Variants in KIF26B observed in about 807,000 individuals in gnomAD.
The protein encoded by KIF26B is kinesin family member 26B, also known as kinesin-like protein KIF26B.
KIF26B carries 63 observed loss-of-function variants against 151.2 expected under a neutral mutation model. The ratio of observed to expected loss-of-function variants is 0.42; its 90% confidence interval spans 0.34 to 0.51. The LOEUF (loss-of-function observed/expected upper bound fraction) is 0.51. Among genes scored for constraint, KIF26B ranks in the 20% least tolerant of loss-of-function variants. The probability of loss-of-function intolerance (pLI) is 0.07; values close to 1 mark genes in which losing one functional copy is unlikely to be tolerated. For synonymous variants in KIF26B, 1,357 were observed against 1,262.1 expected (o/e 1.08, Z -1.59); for missense variants, 2,813 against 2,913.6 (o/e 0.97, Z 0.79).
intron 7 of KIF26B, 113 bp from the exon 8 acceptor site, chr1:245,609,153 T>C: frequency 1.0e-6 from 1 of 1,003,984 alleles, no homozygotes; most frequent in Non-Finnish European, 1.4e-6. Flanking sequence ...TTCTCTTCCC[T>C]TTTCCCCCCT....
rs1187514583 is a variant in KIF26B, at chr1:245,705,998, G to A, written c.*3392G>A. 2.0e-5 allele frequency: 3 copies of A among 152,188 alleles called. No individual in the cohort carries two copies. The highest frequency in any genetic ancestry group is 2.1e-4 in the South Asian group (1 of 4,834). 9.4% of individuals were successfully genotyped at this position (152,188 alleles called of 1,614,324 possible). ...AGATGCAAATGCAGAGATGTGTCCT[G>A]TCTTGACAAAGGTGGGAACCCCTGA... is the stretch of plus-strand genomic sequence containing the variant. On this transcript the variant is annotated 3_prime_UTR_variant, in exon 15 of 15. Transcript: ENST00000407071.
At chr1:245,374,716 G>A (rs571133785) in intron 3 of KIF26B, among the ~76,000 whole-genome samples, 2 of 152,186 alleles carry the variant, frequency 1.3e-5, no homozygotes, top group Admixed American at 6.5e-5. Flanking sequence ...GCGGTCAAAG[G>A]GATATTAGGT....
intron 4 of KIF26B, among the ~76,000 whole-genome samples, chr1:245,530,802 A>T (rs547701053): frequency 6.6e-6 from 1 of 152,310 alleles, no homozygotes; most frequent in Non-Finnish European, 1.5e-5. Context: ...GCAATTTAGG[A>T]GTAGACTCTA....
chr1:245,492,543 T>C (rs1558187242), intron 4 of KIF26B, among the ~76,000 whole-genome samples: 1 of 152,232 alleles, frequency 6.6e-6, no homozygotes, highest in Non-Finnish European at 1.5e-5. Context: ...TCACATGATA[T>C]TTTTAAAAGA....
chr1:245,219,842 G>T (rs1268885714), intron 2 of KIF26B, among the ~76,000 whole-genome samples: 1 of 152,218 alleles, frequency 6.6e-6, no homozygotes, highest in Non-Finnish European at 1.5e-5. Flanking sequence ...GCTTTCCAGG[G>T]AAGAGTTGGC....
At chr1:245,491,870 T>G (rs2103074295) in intron 4 of KIF26B, among the ~76,000 whole-genome samples, 1 of 151,860 alleles carries the variant, frequency 6.6e-6, no homozygotes, top group South Asian at 2.1e-4. Context: ...ATCCTTCCAC[T>G]GCACTCTAGC....
chr1:245,669,969 C>T (rs540681080), intron 10 of KIF26B, among the ~76,000 whole-genome samples: 1 of 152,116 alleles, frequency 6.6e-6, no homozygotes, highest in African/African-American at 2.4e-5. Flanking sequence ...GAGGAATGGA[C>T]ATTGGAGACT....
intron 3 of KIF26B, among the ~76,000 whole-genome samples, chr1:245,374,798 C>A (rs1220616148): frequency 6.6e-6 from 1 of 152,110 alleles, no homozygotes; most frequent in African/African-American, 2.4e-5. Context: ...CGGTCATGGA[C>A]ACACATTTCT....
intron 4 of KIF26B, among the ~76,000 whole-genome samples, chr1:245,524,385 A>AT (rs913712955): frequency 2.4e-4 from 37 of 152,118 alleles, no homozygotes; most frequent in South Asian, 2.1e-4. Context: ...GCCTGTATGT[A>AT]TTTTTTTACT....
Position 245,601,235 on chromosome 1 carries a change from G to A in KIF26B, c.1351-1342G>A, listed in dbSNP as rs1267518119. On this transcript the variant is annotated intron_variant, in intron 5 of 14. Coordinates refer to ENST00000407071, the MANE Select transcript of KIF26B (RefSeq NM_018012.4). This position sits in a 1 kb window ranked among gnomAD's most constrained non-coding sequence, Gnocchi z 4.4. Reference sequence around the variant, plus strand: ...ACGGAGAACTGTTCTTAAGTTAGAAGGCAAGCACAGCGGGGACACGGTGCA... The same window carrying A: ...ACGGAGAACTGTTCTTAAGTTAGAAAGCAAGCACAGCGGGGACACGGTGCA... 6.6e-6 allele frequency among the ~76,000 whole-genome samples: 1 copy of A among 152,184 alleles called. No individual in the cohort carries two copies. The highest frequency in any genetic ancestry group is 1.5e-5 in the Non-Finnish European group (1 of 68,040).
At position 245,358,661 on chromosome 1, in the gene KIF26B, C is replaced by A. The variant is rs1672751623; in HGVS notation, c.466-8173C>A. ...AATCCTTGATAGCCTTATACTAATA[C>A]AACTACTTGCAGATTGAAAATAATT... On this transcript the variant is annotated intron_variant, in intron 2 of 14. Coordinates refer to ENST00000407071, the MANE Select transcript of KIF26B (RefSeq NM_018012.4). The surrounding 1 kb of genome is among the most constrained non-coding windows in gnomAD (Gnocchi z 4.1). Among the ~76,000 whole-genome samples the A allele has an allele frequency of 6.6e-6, 1 of 152,208 alleles. No homozygotes were observed. Among genetic ancestry groups the A allele is most frequent in the Non-Finnish European group, 1.5e-5 (1 of 68,042 alleles).
At chr1:245,653,083 A>G (rs1391842752) in intron 10 of KIF26B, among the ~76,000 whole-genome samples, 1 of 152,242 alleles carries the variant, frequency 6.6e-6, no homozygotes, top group Admixed American at 6.5e-5. Context: ...CAGAGTAGGA[A>G]AGGGTAGACA....
intron 9 of KIF26B, among the ~76,000 whole-genome samples, chr1:245,629,012 G>T (rs2043752911): frequency 6.6e-6 from 1 of 152,104 alleles, no homozygotes; most frequent in Admixed American, 6.5e-5. Flanking sequence ...GCTACAAAGA[G>T]AATAAAATAC....
At chr1:245,336,347 G>C (rs923755192) in intron 2 of KIF26B, among the ~76,000 whole-genome samples, 4 of 152,224 alleles carry the variant, frequency 2.6e-5, no homozygotes, top group Non-Finnish European at 4.4e-5. Context: ...CTGCTCTGGG[G>C]ATGCAGGAGA....
chr1:245,442,755 CTA>C (rs1485411066), intron 4 of KIF26B, among the ~76,000 whole-genome samples: 3,032 of 122,676 alleles, frequency 0.025, 8 homozygotes, highest in African/African-American at 0.042. Flanking sequence ...CACTGTTCAC[CTA>C]CAGCGGTCAT....
At chr1:245,302,517 T>C (rs1256780067) in intron 2 of KIF26B, among the ~76,000 whole-genome samples, 1 of 152,100 alleles carries the variant, frequency 6.6e-6, no homozygotes, top group Admixed American at 6.6e-5. Flanking sequence ...CTGGATAGAG[T>C]GTTGAAGGCA....
chr1:245,369,168 T>TGAGAGAGAGGGAGAGAGAGAGA (rs1396163965), intron 3 of KIF26B, among the ~76,000 whole-genome samples: 32 of 135,856 alleles, frequency 2.4e-4, no homozygotes, highest in African/African-American at 8.3e-4. Flanking sequence ...AAAAGAAGAG[T>TGAGAGAGAGGGAGAGAGAGAGA]GAGAGAGAGA....
At chr1:245,692,981 C>G (rs1021382976) in intron 12 of KIF26B, among the ~76,000 whole-genome samples, 1 of 152,090 alleles carries the variant, frequency 6.6e-6, no homozygotes, top group Non-Finnish European at 1.5e-5. Flanking sequence ...ACAGTTGATG[C>G]CATAATTACA....
At chr1:245,678,056 T>A (rs1483282417) in intron 10 of KIF26B, among the ~76,000 whole-genome samples, 1 of 152,184 alleles carries the variant, frequency 6.6e-6, no homozygotes, top group Non-Finnish European at 1.5e-5. Context: ...TCTCCAAGGG[T>A]CACTGGTGAC....
Sources: allele counts gnomAD v4.1 joint callset (sites outside exome capture counted in the v4.1 genomes callset), GRCh38; gene constraint gnomAD v4.1.1; non-coding constraint Gnocchi (gnomAD v3.1); transcripts MANE v1.5; gene names NCBI Gene and HGNC (gene_info 2026-07-23, HGNC 2026-07-21).